PAWR: variants seen among roughly 807,000 people sequenced by gnomAD.
The protein encoded by PAWR is pro-apoptotic WT1 regulator, also known as PRKC apoptosis WT1 regulator protein.
PAWR carries 23 observed loss-of-function variants against 32.0 expected under a neutral mutation model. The ratio of observed to expected loss-of-function variants is 0.72; its 90% CI spans 0.52 to 1.02. The LOEUF (loss-of-function observed/expected upper bound fraction) is 1.02, where lower values mean the gene tolerates loss of function less well. Ranked by LOEUF, PAWR falls within the 50% of genes least tolerant of loss-of-function variation. The pLI is 0.00. For missense variants in PAWR, 457 were observed against 437.7 expected, an observed-to-expected ratio of 1.04 and a Z score of -0.39; for synonymous variants, 226 against 187.1, an observed-to-expected ratio of 1.21 and a Z score of -1.70.
At position 79,621,193 on chromosome 12, in the gene PAWR, G is replaced by A. The variant is rs140481577; in HGVS notation, c.531C>T (p.Tyr177=). 4.7e-5 allele frequency: 76 copies of A among 1,609,220 alleles called. No homozygotes were observed. Among genetic ancestry groups the A allele is most frequent in the Middle Eastern group, 3.4e-4 (2 of 5,880 alleles). The change falls in exon 3 of 7, where the codon TAC becomes TAT. Residue 177 remains tyrosine (Y), a synonymous_variant. Transcript: ENST00000328827. ...NIPAAECLDE[Y]EDDEAGQKER... is the part of the protein sequence containing the mutation. ...CTTTCTGCCCTGCTTCATCATCTTCGTACTCATCTAAGCACTGAAAGAAAA... is the reference window on the plus strand; with the variant it reads ...CTTTCTGCCCTGCTTCATCATCTTCATACTCATCTAAGCACTGAAAGAAAA...
intron 2 of PAWR, among the ~76,000 whole-genome samples, chr12:79,636,528 G>C (rs1875969644): frequency 1.3e-5 from 2 of 152,054 alleles, no homozygotes; most frequent in Admixed American, 6.6e-5. Flanking sequence ...CATAAGAACT[G>C]TTCAAATTAA....
At chr12:79,632,300 TATATATAC>T (rs1261734248) in intron 2 of PAWR, 84 of 7,636 alleles carry the variant, frequency 0.011, 3 homozygotes, top group Non-Finnish European at 0.015. Context: ...TATATACATA[TATATATAC>T]ATACATATAT....
At chr12:79,616,344 G>A (rs1874732612) in intron 3 of PAWR, among the ~76,000 whole-genome samples, 2 of 151,994 alleles carry the variant, frequency 1.3e-5, no homozygotes. Flanking sequence ...GCCTTTTACT[G>A]AAATGAAGTC....
rs376303543 is a variant in PAWR at position 79,651,674 on chromosome 12, A to G, written c.517-30467T>C. ...GAGGATTGCTCGAGCCTAGGAGTTC[A>G]AAGCCATCCTGGGCTCACAAAAAAA... On this transcript the variant is annotated intron_variant, in intron 2 of 6. Coordinates refer to ENST00000328827, the MANE Select transcript of PAWR (RefSeq NM_002583.4). Among the ~76,000 whole-genome samples, 59 of 139,266 alleles carry G rather than the reference A, an allele frequency of 4.2e-4. No individual in the cohort carries two copies. The East Asian group carries it at 0.014, about 33-fold the overall frequency. The allele number at this position is 139,266 out of a possible 152,430, so 91.4% of individuals were successfully genotyped here.
chr12:79,633,943 CAA>C (rs1566011867), intron 2 of PAWR, among the ~76,000 whole-genome samples: 1 of 151,988 alleles, frequency 6.6e-6, no homozygotes, highest in Non-Finnish European at 1.5e-5. Context: ...CAAAATAAGA[CAA>C]GAGGTAAGAC....
chr12:79,611,189 C>A (rs1874421043), intron 4 of PAWR, among the ~76,000 whole-genome samples: 1 of 144,454 alleles, frequency 6.9e-6, no homozygotes, highest in African/African-American at 2.5e-5. Context: ...ATATATAAAT[C>A]TTATAGATAT....
chr12:79,639,489 G>C (rs1876175778), intron 2 of PAWR, among the ~76,000 whole-genome samples: 1 of 152,076 alleles, frequency 6.6e-6, no homozygotes. Flanking sequence ...CTACGTTTGT[G>C]GTTTAGTGTC....
intron 2 of PAWR, among the ~76,000 whole-genome samples, chr12:79,626,023 G>A (rs1328502539): frequency 7.1e-6 from 1 of 141,526 alleles, no homozygotes; most frequent in Non-Finnish European, 1.5e-5. Flanking sequence ...AACTAGCCAG[G>A]CGTGGTGGCA....
chr12:79,656,829 G>A (rs1391984096), intron 2 of PAWR, among the ~76,000 whole-genome samples: 1 of 152,134 alleles, frequency 6.6e-6, no homozygotes, highest in Non-Finnish European at 1.5e-5. Flanking sequence ...GACCCTGAGA[G>A]ACAGAAAACA....
intron 2 of PAWR, among the ~76,000 whole-genome samples, chr12:79,643,217 G>C (rs1838000396): frequency 6.6e-6 from 1 of 152,122 alleles, no homozygotes; most frequent in East Asian, 1.9e-4. Context: ...AGAAAAGAAG[G>C]TAGGGAGGAA....
At chr12:79,638,675 T>C (rs964554236) in intron 2 of PAWR, among the ~76,000 whole-genome samples, 4 of 151,224 alleles carry the variant, frequency 2.6e-5, no homozygotes, top group Admixed American at 6.6e-5. Flanking sequence ...GTGGGTTGTA[T>C]GAATAATGGC....
rs967234093 is a variant in PAWR at position 79,674,390 on chromosome 12, A to T, written c.516+15339T>A. On this transcript the variant is annotated intron_variant, in intron 2 of 6. Coordinates refer to ENST00000328827, the MANE Select transcript of PAWR (RefSeq NM_002583.4). ...TTGGACCCCTTCTTTTCACCAGATA[A>T]AAAAAAAAAAATCAACTCAAATGGA... 9.4e-5 allele frequency among the ~76,000 whole-genome samples: 12 copies of T among 127,394 alleles called. No homozygotes were observed. The East Asian group carries it at 2.9e-3, about 31-fold the overall frequency. 83.6% of individuals were successfully genotyped at this position (127,394 alleles called of 152,430 possible). A position where few individuals can be genotyped will look rare whatever the true frequency, so the allele number is the denominator to read the frequency against.
intron 2 of PAWR, among the ~76,000 whole-genome samples, chr12:79,660,412 A>G (rs1373617684): frequency 6.6e-6 from 1 of 152,108 alleles, no homozygotes; most frequent in Non-Finnish European, 1.5e-5. Flanking sequence ...AAGAGGTTAT[A>G]CTGAGAGAAG....
In PAWR at chr12:79,671,711, A is replaced by C. The variant is rs139310709; in HGVS notation, c.516+18018T>G. Among the ~76,000 whole-genome samples, 323 of 151,844 alleles carry C rather than the reference A, an allele frequency of 2.1e-3. 2 individuals are homozygous for C. The highest frequency in any genetic ancestry group is 7.6e-3 in the African/African-American group (315 of 41,550). ...AAGCTTATACATGTAATGAACTTAG[A>C]ACAATGCCTAGCATATACTCAAAAT... On this transcript the variant is annotated intron_variant, in intron 2 of 6. Transcript: ENST00000328827.
intron 2 of PAWR, 79 bp downstream of exon 2, chr12:79,689,650 G>C (rs1017429734): frequency 1.0e-5 from 15 of 1,471,178 alleles, no homozygotes; most frequent in African/African-American, 1.4e-5. Flanking sequence ...TCTGCGCCCC[G>C]GGTAGCTCCC....
rs71091677 is a variant in PAWR, at chr12:79,632,312, C to CAT, written c.517-11107_517-11106dup. 4.7e-3 allele frequency: 55 copies of CAT among 11,602 alleles called. 9 individuals carry two copies. Among genetic ancestry groups the CAT allele is most frequent in the East Asian group, 0.03 (7 of 232 alleles). 0.7% of individuals were successfully genotyped at this position (11,602 alleles called of 1,614,324 possible). Reference sequence around the variant, plus strand: ...AAATATATACATATATATATACATACATATATATATATATATATATATATA... The same window carrying CAT: ...AAATATATACATATATATATACATACATATATATATATATATATATATATATA... On this transcript the variant is annotated intron_variant, in intron 2 of 6. Transcript: ENST00000328827.
chr12:79,594,282 T>C (rs1201263267), intron 6 of PAWR, 47 bp downstream of exon 6: 7 of 703,894 alleles, frequency 9.9e-6, no homozygotes, highest in East Asian at 2.8e-5. Flanking sequence ...TTTCATCCAA[T>C]TGCCAAAAAA....
At chr12:79,636,522 A>C (rs1038632329) in intron 2 of PAWR, among the ~76,000 whole-genome samples, 1 of 152,132 alleles carries the variant, frequency 6.6e-6, no homozygotes, top group Non-Finnish European at 1.5e-5. Flanking sequence ...ATAAAACATA[A>C]GAACTGTTCA....
At chr12:79,647,145 A>C (rs960498896) in intron 2 of PAWR, among the ~76,000 whole-genome samples, 1 of 150,066 alleles carries the variant, frequency 6.7e-6, no homozygotes, top group African/African-American at 2.5e-5. Context: ...ACTGCATTCC[A>C]GTCTGGTGAC....
Sources: allele counts gnomAD v4.1 joint callset (sites outside exome capture counted in the v4.1 genomes callset), GRCh38; gene constraint gnomAD v4.1.1; transcripts MANE v1.5; gene names NCBI Gene and HGNC (gene_info 2026-07-23, HGNC 2026-07-21).